Variants in GSE1 observed in about 807,000 individuals in gnomAD.
The protein encoded by GSE1 is genetic suppressor element 1.
A neutral mutation model predicts 112.6 loss-of-function variants in GSE1; 32 were observed. The observed-to-expected ratio is 0.28, with a 90% confidence interval of 0.21 to 0.38. The LOEUF (loss-of-function observed/expected upper bound fraction) is 0.38. Ranked by LOEUF, GSE1 falls within the 10% of genes least tolerant of loss-of-function variation. The pLI is 1.00. For synonymous variants in GSE1, 1,115 were observed against 735.6 expected (o/e 1.52, Z -8.35); for missense variants, 2,348 against 1,699.2 (o/e 1.38, Z -6.71).
chr16:85,636,408 T>A (rs569450976), intron 2 of GSE1, among the ~76,000 whole-genome samples: 1 of 152,274 alleles, frequency 6.6e-6, no homozygotes, highest in East Asian at 1.9e-4. Context: ...CCACCCGTTT[T>A]GATGAATCTC....
chr16:85,493,798 A>AT (rs2051085433), intron 2 of GSE1, among the ~76,000 whole-genome samples: 1 of 151,862 alleles, frequency 6.6e-6, no homozygotes, highest in Non-Finnish European at 1.5e-5. Flanking sequence ...CTCAAAAAAA[A>AT]AAAAAAAAAA....
At chr16:85,589,523 G>A (rs1340219228) in intron 1 of GSE1, among the ~76,000 whole-genome samples, 4 of 152,124 alleles carry the variant, frequency 2.6e-5, no homozygotes, top group South Asian at 2.1e-4. Flanking sequence ...AAGGTGGGGC[G>A]GGGGGTCCCT....
chr16:85,309,634 T>A (rs2045778311), intron 1 of GSE1, among the ~76,000 whole-genome samples: 1 of 152,230 alleles, frequency 6.6e-6, no homozygotes, highest in Admixed American at 6.5e-5. Flanking sequence ...GGGAGCAGCT[T>A]CCACAGTGCC....
intron 1 of GSE1, among the ~76,000 whole-genome samples, chr16:85,303,701 T>C (rs2151465770): frequency 6.6e-6 from 1 of 152,346 alleles, no homozygotes; most frequent in Admixed American, 6.5e-5. Context: ...AGCCGGGCGC[T>C]GGGGCCACAG....
At chr16:85,420,877 C>T (rs1046688994) in intron 2 of GSE1, among the ~76,000 whole-genome samples, 7 of 152,220 alleles carry the variant, frequency 4.6e-5, no homozygotes, top group African/African-American at 1.7e-4. Flanking sequence ...ACGGGGGCGC[C>T]CCTACCGGCT....
intron 1 of GSE1, among the ~76,000 whole-genome samples, chr16:85,291,189 C>T (rs1486444682): frequency 2.0e-5 from 3 of 152,214 alleles, no homozygotes; most frequent in African/African-American, 7.2e-5. Context: ...CAGGGTCTCT[C>T]AGCAGAGCTG....
chr16:85,486,432 C>T (rs575779042), intron 2 of GSE1, among the ~76,000 whole-genome samples: 74 of 152,378 alleles, frequency 4.9e-4, no homozygotes, highest in Non-Finnish European at 9.3e-4. Flanking sequence ...CCTGGCAGCA[C>T]AGCTCCCACC....
chr16:85,631,687 T>C (rs2049551722), intron 1 of GSE1, among the ~76,000 whole-genome samples: 1 of 152,246 alleles, frequency 6.6e-6, no homozygotes, highest in South Asian at 2.1e-4. Flanking sequence ...AAGCCCCTCA[T>C]GTCAGTTACC....
chr16:85,277,404 G>A (rs528603721), intron 1 of GSE1, among the ~76,000 whole-genome samples: 57 of 152,320 alleles, frequency 3.7e-4, no homozygotes, highest in Admixed American at 7.2e-4. Flanking sequence ...CCTGAAAGGC[G>A]GAAGAGGCTG....
At chr16:85,404,385 G>A (rs1261892671) in intron 2 of GSE1, among the ~76,000 whole-genome samples, 2 of 9,878 alleles carry the variant, frequency 2.0e-4, no homozygotes, top group East Asian at 4.9e-3. Context: ...AATCCTCACT[G>A]TTACACTCAG....
intron 1 of GSE1, among the ~76,000 whole-genome samples, chr16:85,255,229 G>A (rs1241778414): frequency 2.6e-5 from 4 of 151,936 alleles, no homozygotes; most frequent in South Asian, 4.2e-4. Flanking sequence ...CTTCTCCCCC[G>A]ACTCCTGCTG....
At chr16:85,368,652 C>G (rs997803904) in intron 2 of GSE1, among the ~76,000 whole-genome samples, 1 of 152,162 alleles carries the variant, frequency 6.6e-6, no homozygotes, top group African/African-American at 2.4e-5. Context: ...CTGCAGTGAG[C>G]CATGCTTGCA....
intron 2 of GSE1, among the ~76,000 whole-genome samples, chr16:85,519,571 C>T (rs1598044405): frequency 7.1e-6 from 1 of 140,486 alleles, no homozygotes; most frequent in Non-Finnish European, 1.6e-5. Flanking sequence ...TCATCATCAC[C>T]ATCACCAGTC....
chr16:85,351,585 G>C (rs1006040419), intron 1 of GSE1, among the ~76,000 whole-genome samples: 1 of 152,152 alleles, frequency 6.6e-6, no homozygotes, highest in Non-Finnish European at 1.5e-5. Flanking sequence ...GTTCTGAAAT[G>C]GATGGTGGTA....
chr16:85,194,355 A>T (rs939127917), intron 1 of GSE1, among the ~76,000 whole-genome samples: 2 of 152,176 alleles, frequency 1.3e-5, no homozygotes, highest in East Asian at 1.9e-4. Context: ...GCTTAACGTC[A>T]CCCAGGAGGT....
intron 2 of GSE1, among the ~76,000 whole-genome samples, chr16:85,438,275 G>T (rs557870665): frequency 6.6e-6 from 1 of 152,186 alleles, no homozygotes; most frequent in African/African-American, 2.4e-5. Flanking sequence ...AGCCCAGCCC[G>T]GGGGACCTTG....
At chr16:85,548,266 A>G (rs1349985860) in intron 2 of GSE1, among the ~76,000 whole-genome samples, 1 of 151,568 alleles carries the variant, frequency 6.6e-6, no homozygotes, top group Non-Finnish European at 1.5e-5. Context: ...AAAGAAAGAA[A>G]GAAATATTCG....
chr16:85,582,508 C>A (rs2046492743), intron 1 of GSE1, among the ~76,000 whole-genome samples: 1 of 152,184 alleles, frequency 6.6e-6, no homozygotes, highest in African/African-American at 2.4e-5. Flanking sequence ...CCCGACATCC[C>A]CTGGGAGGAC....
At chr16:85,294,616 ACTCTCTCTCT>A (rs756560732) in intron 1 of GSE1, among the ~76,000 whole-genome samples, 5,105 of 76,540 alleles carry the variant, frequency 0.067, 136 homozygotes, top group African/African-American at 0.1. Context: ...CACGCCTCTC[ACTCTCTCTCT>A]CTCTCTCTCT....
Sources: allele counts gnomAD v4.1 joint callset (sites outside exome capture counted in the v4.1 genomes callset), GRCh38; gene constraint gnomAD v4.1.1; transcripts MANE v1.5; gene names NCBI Gene and HGNC (gene_info 2026-07-23, HGNC 2026-07-21).